The following LRGUK variants were observed in gnomAD, a reference collection of about 807,000 sequenced individuals.
The protein encoded by LRGUK is leucine rich repeats and guanylate kinase domain containing.
In LRGUK, 65 loss-of-function variants were observed where a neutral mutation model predicts 76.0. The observed-to-expected ratio is 0.85, with a 90% CI of 0.70 to 1.05. LRGUK has a LOEUF of 1.05. Ranked by LOEUF, LRGUK falls within the 50% of genes least tolerant of loss-of-function variation. LRGUK has a pLI of 0.00. For missense variants in LRGUK, 758 were observed against 732.8 expected (o/e 1.03, Z -0.40); for synonymous variants, 268 against 265.6 (o/e 1.01, Z -0.09).
chr7:134,159,173 C>T (rs978927817), intron 6 of LRGUK, among the ~76,000 whole-genome samples: 1 of 151,170 alleles, frequency 6.6e-6, no homozygotes, highest in African/African-American at 2.4e-5. Flanking sequence ...ACTGTCTCTA[C>T]AAAAAATAAA....
At chr7:134,139,410 A>T in intron 2 of LRGUK, 26 bp from the exon 3 acceptor site, 2 of 1,481,824 alleles carry the variant, frequency 1.3e-6, no homozygotes, top group Non-Finnish European at 9.4e-7. Flanking sequence ...AGCAACATTA[A>T]AGTCTTTTAC....
At chr7:134,172,628 G>A (rs1261867365) in intron 7 of LRGUK, among the ~76,000 whole-genome samples, 1 of 152,172 alleles carries the variant, frequency 6.6e-6, no homozygotes, top group African/African-American at 2.4e-5. Context: ...CAACTTGTTG[G>A]TGAGACGTGA....
At chr7:134,223,288 C>T (rs967377388) in intron 16 of LRGUK, among the ~76,000 whole-genome samples, 2 of 152,090 alleles carry the variant, frequency 1.3e-5, no homozygotes, top group African/African-American at 4.8e-5. Context: ...TAATTCAAGT[C>T]GCTGAAGGCA....
At chr7:134,195,642 C>A (rs1451942707) in intron 12 of LRGUK, among the ~76,000 whole-genome samples, 1 of 151,916 alleles carries the variant, frequency 6.6e-6, no homozygotes, top group Non-Finnish European at 1.5e-5. Flanking sequence ...TTCATCTCAC[C>A]CCAAACATCT....
chr7:134,239,627 G>T (rs1387461744), intron 16 of LRGUK, among the ~76,000 whole-genome samples: 1 of 152,220 alleles, frequency 6.6e-6, no homozygotes, highest in Non-Finnish European at 1.5e-5. Flanking sequence ...CTGGGAGCAG[G>T]ACATAGCTGA....
At chr7:134,209,092 T>G in exon 16 of LRGUK, 1 of 399,092 alleles carries the variant, frequency 2.5e-6, no homozygotes, top group Non-Finnish European at 4.4e-6. Flanking sequence ...TGGAAGCCAG[T>G]GAGGTTGGGC....
chr7:134,235,371 C>G (rs1801989017), intron 16 of LRGUK, among the ~76,000 whole-genome samples: 1 of 152,318 alleles, frequency 6.6e-6, no homozygotes, highest in South Asian at 2.1e-4. Flanking sequence ...CTTTCTGGAA[C>G]ACTCTTTCCC....
In LRGUK at chr7:134,143,484, T is replaced by A. The variant is rs566570028; in HGVS notation, c.588+322T>A. On this transcript the variant is annotated intron_variant, in intron 4 of 15. Coordinates refer to ENST00000645682, the Ensembl canonical transcript of LRGUK. ...TTGTTGTTATAGTGGAACAATTTTT[T>A]AAAAATATTACTTGGTACATTTTAT... 1.7e-4 allele frequency among the ~76,000 whole-genome samples: 26 copies of A among 152,318 alleles called. No homozygotes were observed. The East Asian group carries it at 3.7e-3, about 21-fold the overall frequency.
intron 12 of LRGUK, among the ~76,000 whole-genome samples, chr7:134,195,176 C>T (rs920427686): frequency 6.6e-6 from 1 of 152,122 alleles, no homozygotes; most frequent in African/African-American, 2.4e-5. Context: ...AGTGCAGGGT[C>T]TACAAAATAT....
intron 16 of LRGUK, among the ~76,000 whole-genome samples, chr7:134,235,973 A>G (rs1015173902): frequency 1.3e-5 from 2 of 152,196 alleles, no homozygotes; most frequent in Non-Finnish European, 2.9e-5. Context: ...TCCGCATAAG[A>G]TATCACATTT....
exon 19 of LRGUK, chr7:134,258,270 T>G: frequency 6.2e-7 from 1 of 1,614,118 alleles, no homozygotes; most frequent in Non-Finnish European, 8.5e-7. Context: ...GAAGGATTCC[T>G]TGGTTTCCAT....
chr7:134,137,190 A>G (rs1797576119), intron 2 of LRGUK, 60 bp downstream of exon 2: 3 of 1,249,736 alleles, frequency 2.4e-6, no homozygotes, highest in Non-Finnish European at 3.4e-6. Context: ...GACCATATTC[A>G]TTTTCTTCAG....
chr7:134,264,086 G>A (rs907358344), exon 20 of LRGUK: 11 of 1,060,202 alleles, frequency 1.0e-5, no homozygotes, highest in Admixed American at 3.7e-5. Flanking sequence ...CATTACCCAC[G>A]GAAGAATGTT....
At chr7:134,238,007 A>G (rs1802053824) in intron 16 of LRGUK, among the ~76,000 whole-genome samples, 1 of 152,196 alleles carries the variant, frequency 6.6e-6, no homozygotes, top group Admixed American at 6.5e-5. Flanking sequence ...ACCAGCACCC[A>G]TAATGAAAAC....
chr7:134,247,540 G>T lies in LRGUK; in HGVS notation c.1984-16G>T. On this transcript the variant is annotated splice_polypyrimidine_tract_variant and intron_variant, in intron 16 of 19. Transcript: ENST00000285928. ...TTTAACATCAATGCAATTTTCTAAT[G>T]ACATTTCTTACCTAGGAAAGAGATT... is the stretch of plus-strand genomic sequence containing the variant. 1 of 1,585,430 alleles carries T rather than the reference G, an allele frequency of 6.3e-7. No individual in the cohort carries two copies. The highest frequency in any genetic ancestry group is 1.1e-5 in the South Asian group (1 of 89,296).
intron 19 of LRGUK, among the ~76,000 whole-genome samples, chr7:134,261,891 T>A (rs1041236867): frequency 6.6e-6 from 1 of 152,180 alleles, no homozygotes; most frequent in African/African-American, 2.4e-5. Context: ...TAAATAAAAT[T>A]TATAAATCTG....
At chr7:134,212,506 G>T (rs899652372), downstream of LRGUK, among the ~76,000 whole-genome samples, 1 of 152,228 alleles carries the variant, frequency 6.6e-6, no homozygotes, top group Non-Finnish European at 1.5e-5. Context: ...TTCAAGGGCA[G>T]TAGAGGAAAC....
exon 1 of LRGUK, chr7:134,127,459 A>G (rs147918797): frequency 2.7e-5 from 43 of 1,613,834 alleles, no homozygotes; most frequent in Non-Finnish European, 3.6e-5. Flanking sequence ...CGATCGTTAC[A>G]GTTTCGCGCA....
chr7:134,271,687 C>T, the LRGUK span, among the ~76,000 whole-genome samples: 1 of 151,928 alleles, frequency 6.6e-6, no homozygotes, highest in African/African-American at 2.4e-5. Flanking sequence ...CTTGCTCTCC[C>T]TATCTGTAAA....
Sources: allele counts gnomAD v4.1 joint callset (sites outside exome capture counted in the v4.1 genomes callset), GRCh38; gene constraint gnomAD v4.1.1; transcripts MANE v1.5; gene names NCBI Gene and HGNC (gene_info 2026-07-23, HGNC 2026-07-21).